The following TBC1D32 variants were observed in gnomAD, a reference collection of about 807,000 sequenced individuals.
TBC1D32 encodes protein broad-minded.
In TBC1D32, 151 loss-of-function variants were observed where a neutral mutation model predicts 170.3. That is an observed-to-expected ratio of 0.89 (90% CI 0.78 to 1.01). The LOEUF (loss-of-function observed/expected upper bound fraction) is 1.01. TBC1D32 is among the 50% of genes least tolerant of loss of function. The pLI is 0.00. For missense variants in TBC1D32, 1,464 were observed against 1,457.1 expected (o/e 1.00, Z -0.08); for synonymous variants, 498 against 488.0 (o/e 1.02, Z -0.27).
intron 3 of TBC1D32, among the ~76,000 whole-genome samples, chr6:121,312,530 T>A (rs1808364532): frequency 6.6e-6 from 1 of 152,086 alleles, no homozygotes; most frequent in Non-Finnish European, 1.5e-5. Context: ...CACAGTGACC[T>A]CATTTTAAAG....
intron 26 of TBC1D32, among the ~76,000 whole-genome samples, chr6:121,117,511 C>T (rs959758403): frequency 4.6e-5 from 7 of 151,882 alleles, no homozygotes; most frequent in Non-Finnish European, 1.0e-4. Context: ...AGACCAGCCT[C>T]GCCAACATGG....
At chr6:121,268,956 T>A (rs1331312108) in intron 15 of TBC1D32, among the ~76,000 whole-genome samples, 4 of 152,152 alleles carry the variant, frequency 2.6e-5, no homozygotes, top group African/African-American at 4.8e-5. Context: ...GCAGCCAATA[T>A]TCAACCTTCT....
Position 121,168,712 on chromosome 6 carries a change from T to TAAAAAA in TBC1D32, c.2571-7662_2571-7657dup, listed in dbSNP as rs59283869. ...ATGTACCCTAAAACTTAGAGTATAATAAAAAAAAAAAAAAAAAAAAAATCA... is the reference window on the plus strand; with the variant it reads ...ATGTACCCTAAAACTTAGAGTATAATAAAAAAAAAAAAAAAAAAAAAAAAAAAATCA... On this transcript the variant is annotated intron_variant, in intron 22 of 31. Transcript: ENST00000398212. Among the ~76,000 whole-genome samples, 667 of 92,162 alleles carry TAAAAAA rather than the reference T, an allele frequency of 7.2e-3. 3 individuals carry two copies. The highest frequency in any genetic ancestry group is 0.01 in the Middle Eastern group (1 of 100). 60.5% of individuals were successfully genotyped at this position (92,162 alleles called of 152,430 possible). A position where few individuals can be genotyped will look rare whatever the true frequency, so the allele number is the denominator to read the frequency against.
intron 15 of TBC1D32, among the ~76,000 whole-genome samples, chr6:121,277,858 C>G (rs1802444170): frequency 6.6e-6 from 1 of 150,998 alleles, no homozygotes; most frequent in South Asian, 2.1e-4. Flanking sequence ...AATTTATAAG[C>G]CTCTAGTCAG....
At chr6:121,239,472 A>AT (rs1442871265) in intron 19 of TBC1D32, among the ~76,000 whole-genome samples, 3 of 152,142 alleles carry the variant, frequency 2.0e-5, no homozygotes, top group Non-Finnish European at 4.4e-5. Flanking sequence ...ACTTTGGCCT[A>AT]TAACTTCTCT....
At chr6:121,085,250 T>TATATATACACATATATAC (rs1776084095) in intron 31 of TBC1D32, among the ~76,000 whole-genome samples, 1 of 142,682 alleles carries the variant, frequency 7.0e-6, no homozygotes, top group Non-Finnish European at 1.5e-5. Context: ...TACATACGTA[T>TATATATACACATATATAC]ATATATACAC....
chr6:121,136,608 A>G (rs576788330), intron 24 of TBC1D32, among the ~76,000 whole-genome samples: 1 of 152,304 alleles, frequency 6.6e-6, no homozygotes, highest in East Asian at 1.9e-4. Context: ...GCCCTGACTT[A>G]TAGTAACGAA....
At chr6:121,168,413 G>A (rs1361933512) in intron 22 of TBC1D32, among the ~76,000 whole-genome samples, 6 of 113,696 alleles carry the variant, frequency 5.3e-5, no homozygotes, top group Non-Finnish European at 1.1e-4. Context: ...TCCTTTGTAG[G>A]GACATGGATG....
At chr6:121,320,572 T>A (rs1479187305) in intron 2 of TBC1D32, among the ~76,000 whole-genome samples, 1 of 152,134 alleles carries the variant, frequency 6.6e-6, no homozygotes, top group East Asian at 1.9e-4. Flanking sequence ...GTGATTCTGT[T>A]TTTGGTTTTC....
At chr6:121,189,105 A>T (rs1255731832) in intron 22 of TBC1D32, among the ~76,000 whole-genome samples, 1 of 152,204 alleles carries the variant, frequency 6.6e-6, no homozygotes, top group African/African-American at 2.4e-5. Flanking sequence ...TTTTGTTTTA[A>T]AGAAACAAAT....
intron 19 of TBC1D32, 100 bp downstream of exon 19, chr6:121,241,365 G>A (rs2128361764): frequency 2.0e-6 from 2 of 992,572 alleles, no homozygotes; most frequent in South Asian, 3.0e-5. Context: ...GAATTTTAGA[G>A]TAAATATCCT....
chr6:121,138,123 A>T (rs1018747282), intron 24 of TBC1D32, among the ~76,000 whole-genome samples: 1 of 152,120 alleles, frequency 6.6e-6, no homozygotes, highest in South Asian at 2.1e-4. Flanking sequence ...CCTGAGAAGC[A>T]ATTCTACAGA....
intron 15 of TBC1D32, among the ~76,000 whole-genome samples, chr6:121,260,412 AG>A (rs1799602360): frequency 6.6e-6 from 1 of 152,184 alleles, no homozygotes; most frequent in Non-Finnish European, 1.5e-5. Context: ...CCCACTGAAA[AG>A]AACCAAAACA....
At chr6:121,312,835 C>T (rs1316306770) in intron 3 of TBC1D32, among the ~76,000 whole-genome samples, 1 of 152,174 alleles carries the variant, frequency 6.6e-6, no homozygotes, top group African/African-American at 2.4e-5. Context: ...TTAGTCTTTA[C>T]ATAGACAATA....
chr6:121,255,907 A>G (rs7762181), intron 16 of TBC1D32, among the ~76,000 whole-genome samples, 177 bp downstream of exon 16: 134,469 of 152,112 alleles, frequency 0.88, 59,888 homozygotes, highest in East Asian at 0.98. Context: ...TGGGAAAGGA[A>G]ATACTGCAGT....
At chr6:121,308,679 C>G (rs1460322617) in intron 4 of TBC1D32, among the ~76,000 whole-genome samples, 3 of 89,300 alleles carry the variant, frequency 3.4e-5, no homozygotes, top group African/African-American at 9.4e-5. Flanking sequence ...TCACAGAAAG[C>G]TTACTTCTTT....
intron 3 of TBC1D32, among the ~76,000 whole-genome samples, chr6:121,313,513 A>G (rs1254648048): frequency 1.3e-5 from 2 of 151,928 alleles, no homozygotes; most frequent in African/African-American, 4.8e-5. Context: ...CTGCCCCTAC[A>G]CATTCCTCTT....
chr6:121,296,151 G>A (rs1161840155), intron 10 of TBC1D32, among the ~76,000 whole-genome samples: 1 of 152,122 alleles, frequency 6.6e-6, no homozygotes, highest in Non-Finnish European at 1.5e-5. Context: ...AAAGAGTTAA[G>A]CATGTCTTAT....
At position 121,080,333 on chromosome 6, in the gene TBC1D32, T is replaced by C. The variant is rs1225476302; in HGVS notation, c.*438A>G. 2 of 314,716 alleles carry C rather than the reference T, an allele frequency of 6.4e-6. No individual in the cohort carries two copies. Among genetic ancestry groups the C allele is most frequent in the Non-Finnish European group, 1.3e-5 (2 of 150,778 alleles). The allele number at this position is 314,716 out of a possible 1,614,324, so 19.5% of individuals were successfully genotyped here. A position where few individuals can be genotyped will look rare whatever the true frequency, so the allele number is the denominator to read the frequency against. On this transcript the variant is annotated 3_prime_UTR_variant, in exon 32 of 32. Coordinates refer to ENST00000398212, the MANE Select transcript of TBC1D32 (RefSeq NM_152730.6). The stretch of plus-strand genomic sequence containing the variant: ...CCCGGGTTCAAGCGATTCTCCTGCC[T>C]CAGCCTCCCAAGTAGCAGGGACTAC...
Sources: allele counts gnomAD v4.1 joint callset (sites outside exome capture counted in the v4.1 genomes callset), GRCh38; gene constraint gnomAD v4.1.1; transcripts MANE v1.5; gene names NCBI Gene and HGNC (gene_info 2026-07-23, HGNC 2026-07-21).